The following NDUFS5 variants were observed in gnomAD, a reference collection of about 807,000 sequenced individuals.
NDUFS5 encodes the protein NADH dehydrogenase [ubiquinone] iron-sulfur protein 5.
Under a neutral mutation model 10.5 loss-of-function variants are expected in NDUFS5, and 7 were observed. That is an observed-to-expected ratio of 0.66 (90% CI 0.38 to 1.25). The LOEUF (loss-of-function observed/expected upper bound fraction) is 1.25, where lower values mean the gene tolerates loss of function less well. NDUFS5 is among the 50% of genes most tolerant of loss of function. The pLI, the probability that NDUFS5 is intolerant of heterozygous loss-of-function variation, is 0.02. For missense variants in NDUFS5, 148 were observed against 140.7 expected, an observed-to-expected ratio of 1.05 and a Z score of -0.26; for synonymous variants, 38 against 44.0, an observed-to-expected ratio of 0.86 and a Z score of 0.54.
At chr1:39,030,530 C>G (rs1220527353) in intron 2 of NDUFS5, among the ~76,000 whole-genome samples, 1 of 151,922 alleles carries the variant, frequency 6.6e-6, no homozygotes, top group Non-Finnish European at 1.5e-5. Flanking sequence ...CATGGTGAAA[C>G]CCCGTCTGTA....
rs566456884 is a variant in NDUFS5, at chr1:39,030,214, G to A, written c.216+1274G>A. On this transcript the variant is annotated intron_variant, in intron 2 of 2. Coordinates refer to ENST00000372969, the MANE Select transcript of NDUFS5 (RefSeq NM_004552.3). ...GAGGTCAGGAGTTCAAGACCAGCCTGGCCAACATGGTGAAACCCCGTCTCT... is the reference window on the plus strand; with the variant it reads ...GAGGTCAGGAGTTCAAGACCAGCCTAGCCAACATGGTGAAACCCCGTCTCT... 6.3e-3 allele frequency among the ~76,000 whole-genome samples: 962 copies of A among 152,038 alleles called. 5 individuals are homozygous for A. Among genetic ancestry groups the A allele is most frequent in the African/African-American group, 0.022 (925 of 41,482 alleles).
intron 2 of NDUFS5, among the ~76,000 whole-genome samples, chr1:39,031,353 G>T (rs755867291): frequency 6.6e-6 from 1 of 151,844 alleles, no homozygotes; most frequent in Non-Finnish European, 1.5e-5. Context: ...CTGTCACCCG[G>T]GCTGGAGTGC....
At chr1:39,033,670 T>A (rs1325434574) in intron 2 of NDUFS5, among the ~76,000 whole-genome samples, 3 of 148,686 alleles carry the variant, frequency 2.0e-5, no homozygotes, top group Non-Finnish European at 4.5e-5. Flanking sequence ...CCTGGCTAAT[T>A]TTTGTATTTT....
chr1:39,027,814 C>CTTTTTT (rs1157906500), intron 1 of NDUFS5, among the ~76,000 whole-genome samples: 1 of 35,544 alleles, frequency 2.8e-5, no homozygotes, highest in African/African-American at 9.5e-5. Flanking sequence ...TCTTCTTCTT[C>CTTTTTT]TTTTTTTTTT....
rs545137621 is a variant in NDUFS5, at chr1:39,027,365, C to T, written c.-3+963C>T. On this transcript the variant is annotated intron_variant, in intron 1 of 2. Transcript: ENST00000372969. ...GGAATTACAGGCGTGAGCCACTGCG[C>T]CCAACTAAATTCACCTTTAAATCTA... is the stretch of plus-strand genomic sequence containing the variant. 1.0e-3 allele frequency among the ~76,000 whole-genome samples: 159 copies of T among 152,224 alleles called. 1 individual carries two copies. Among genetic ancestry groups the T allele is most frequent in the Admixed American group, 3.8e-3 (58 of 15,280 alleles).
intron 1 of NDUFS5, among the ~76,000 whole-genome samples, chr1:39,026,839 C>CT (rs1265088761): frequency 6.6e-6 from 1 of 152,250 alleles, no homozygotes; most frequent in Non-Finnish European, 1.5e-5. Flanking sequence ...GCCCACTGAT[C>CT]TTCACTTGGC....
chr1:39,028,751 G>C lies in NDUFS5; in HGVS notation c.27G>C (p.Arg9Ser). 2 of 1,614,012 alleles carry C rather than the reference G, an allele frequency of 1.2e-6. No individual in the cohort carries two copies. Among genetic ancestry groups the C allele is most frequent in the Non-Finnish European group, 8.5e-7 (1 of 1,180,008 alleles). ...TGCCTTTCTTGGACATCCAGAAAAG[G>C]TTCGGCCTTAACATAGATCGATGGT... is the stretch of plus-strand genomic sequence containing the variant. MPFLDIQK[R>S]FGLNIDRWLT... The change falls in exon 2 of 3, where the codon AGG becomes AGC. Residue 9 changes from arginine (R) to serine (S), a missense_variant. Arg to Ser is a moderately radical substitution (Grantham distance 110). Coordinates refer to ENST00000372969, the MANE Select transcript of NDUFS5 (RefSeq NM_004552.3).
At chr1:39,033,263 G>A (rs2148084721) in intron 2 of NDUFS5, among the ~76,000 whole-genome samples, 1 of 152,114 alleles carries the variant, frequency 6.6e-6, no homozygotes. Flanking sequence ...CAGCAGCAGT[G>A]CCACTTCCAC....
At chr1:39,030,853 C>T (rs1008511912) in intron 2 of NDUFS5, among the ~76,000 whole-genome samples, 2 of 152,068 alleles carry the variant, frequency 1.3e-5, no homozygotes, top group Non-Finnish European at 2.9e-5. Context: ...TGCCACCACT[C>T]ATTTGTTGTT....
At chr1:39,033,340 G>A (rs1293993130) in intron 2 of NDUFS5, among the ~76,000 whole-genome samples, 9 of 151,908 alleles carry the variant, frequency 5.9e-5, no homozygotes, top group African/African-American at 1.7e-4. Context: ...TTGGGAGGCC[G>A]AGGCTGGCGG....
At chr1:39,028,243 C>A (rs1644166180) in intron 1 of NDUFS5, among the ~76,000 whole-genome samples, 1 of 151,826 alleles carries the variant, frequency 6.6e-6, no homozygotes, top group Admixed American at 6.6e-5. Flanking sequence ...ACCAGCCTCG[C>A]CAACATGCTG....
At position 39,027,672 on chromosome 1, in the gene NDUFS5, G is replaced by A. The variant is rs543886484; in HGVS notation, c.-2-1051G>A. 1.5e-4 allele frequency among the ~76,000 whole-genome samples: 20 copies of A among 134,646 alleles called. No homozygotes were observed. In the South Asian group the frequency reaches 4.6e-3, roughly 31 times the overall value. The allele number at this position is 134,646 out of a possible 152,430, so 88.3% of individuals were successfully genotyped here. On this transcript the variant is annotated intron_variant, in intron 1 of 2. Transcript: ENST00000372969. ...TAGCTCACTGAAGCCTTGAACTCCTGGCCTCAGTCTCCTGCCTCAGCCTTA... is the reference window on the plus strand; with the variant it reads ...TAGCTCACTGAAGCCTTGAACTCCTAGCCTCAGTCTCCTGCCTCAGCCTTA...
In NDUFS5 at chr1:39,034,581, C is replaced by CA; in HGVS notation, c.*88dup. ...GGTTGTTTACGACAAACCTCCTTGTCAAAGTGTGTAAAAATAAAGGATTGC... is the reference window on the plus strand; with the variant it reads ...GGTTGTTTACGACAAACCTCCTTGTCAAAAGTGTGTAAAAATAAAGGATTGC... On this transcript the variant is annotated 3_prime_UTR_variant, in exon 3 of 3. Transcript: ENST00000372969. 4.6e-6 allele frequency: 5 copies of CA among 1,078,470 alleles called. No individual in the cohort carries two copies. The highest frequency in any genetic ancestry group is 7.1e-6 in the Non-Finnish European group (5 of 706,704). 66.8% of individuals were successfully genotyped at this position (1,078,470 alleles called of 1,614,324 possible). A position where few individuals can be genotyped will look rare whatever the true frequency, so the allele number is the denominator to read the frequency against.
At chr1:39,032,019 G>A (rs982002157) in intron 2 of NDUFS5, among the ~76,000 whole-genome samples, 2 of 152,158 alleles carry the variant, frequency 1.3e-5, no homozygotes, top group South Asian at 4.2e-4. Context: ...TTAGCTGGGT[G>A]TGGTAAGGGG....
At position 39,033,369 on chromosome 1, in the gene NDUFS5, C is replaced by T. The variant is rs1300388025; in HGVS notation, c.217-1023C>T. Among the ~76,000 whole-genome samples, 5 of 151,610 alleles carry T rather than the reference C, an allele frequency of 3.3e-5. No homozygotes were observed. The East Asian group carries it at 5.9e-4, about 18-fold the overall frequency. ...CTGGCGGATCACGAGGTCAGGAGAT[C>T]GAGACCATCCTGGCTAACATGGTGA... On this transcript the variant is annotated intron_variant, in intron 2 of 2. Transcript: ENST00000372969.
intron 2 of NDUFS5, among the ~76,000 whole-genome samples, chr1:39,029,441 A>G (rs570446124): frequency 6.6e-6 from 1 of 152,270 alleles, no homozygotes; most frequent in Admixed American, 6.5e-5. Context: ...AGGATGGTCC[A>G]TTGTTCCTCA....
intron 2 of NDUFS5, among the ~76,000 whole-genome samples, chr1:39,032,032 G>T (rs911727986): frequency 6.6e-6 from 1 of 152,048 alleles, no homozygotes. Context: ...GTAAGGGGGT[G>T]CCTGTAATCC....
chr1:39,033,272 A>G (rs977645607), intron 2 of NDUFS5, among the ~76,000 whole-genome samples: 4 of 152,038 alleles, frequency 2.6e-5, no homozygotes, highest in Non-Finnish European at 4.4e-5. Context: ...TGCCACTTCC[A>G]CATAGAATAT....
chr1:39,027,134 G>C (rs552199655), intron 1 of NDUFS5, among the ~76,000 whole-genome samples: 1 of 151,984 alleles, frequency 6.6e-6, no homozygotes, highest in African/African-American at 2.4e-5. Context: ...AGAGTGGCGC[G>C]ATCTCGGCTC....
Sources: gnomAD v4.1 joint callset for allele counts (sites outside exome capture counted in the v4.1 genomes callset) on GRCh38, gnomAD v4.1.1 for gene constraint, MANE v1.5 for transcripts, NCBI Gene and HGNC (gene_info 2026-07-23, HGNC 2026-07-21) for gene names.